The following NRCAM variants were observed in gnomAD, a reference collection of about 807,000 sequenced individuals.
The protein encoded by NRCAM is NgCAM-related cell adhesion molecule.
NRCAM carries 83 observed loss-of-function variants against 156.5 expected under a neutral mutation model. The observed-to-expected ratio is 0.53, with a 90% CI of 0.44 to 0.64. The LOEUF is 0.64. Among genes scored for constraint, NRCAM ranks in the 30% least tolerant of loss-of-function variants. The probability of loss-of-function intolerance (pLI) is 0.00; values close to 1 mark genes in which losing one functional copy is unlikely to be tolerated. For synonymous variants in NRCAM, 538 were observed against 563.9 expected, an observed-to-expected ratio of 0.95 and a Z score of 0.65; for missense variants, 1,417 against 1,597.3, an observed-to-expected ratio of 0.89 and a Z score of 1.92.
At chr7:108,389,171 T>C (rs537175172) in intron 2 of NRCAM, among the ~76,000 whole-genome samples, 2 of 152,334 alleles carry the variant, frequency 1.3e-5, no homozygotes, top group South Asian at 4.1e-4. Flanking sequence ...TTTCACGATA[T>C]TGATTCTTCC....
At chr7:108,232,590 T>C in intron 6 of NRCAM, 68 bp from the exon 7 acceptor site, 1 of 1,146,724 alleles carries the variant, frequency 8.7e-7, no homozygotes, top group South Asian at 1.6e-5. Flanking sequence ...AACAAATTCC[T>C]AGCAGTTTTA....
intron 2 of NRCAM, among the ~76,000 whole-genome samples, chr7:108,322,875 C>T (rs2154212783): frequency 6.6e-6 from 1 of 152,230 alleles, no homozygotes; most frequent in Admixed American, 6.5e-5. Flanking sequence ...CTTAAACAAA[C>T]CATTATTACA....
rs2094445791 is a variant in NRCAM, at chr7:108,232,430, A to C, written c.323T>G (p.Ile108Ser). ...KPGTGTLIIN[I>S]MSEGKAETYE... ...GGTCTCAGCTTTCCCTTCGCTCATG[A>C]TGTTAATTATGAGCGTTCCTGTGCC... Residue 108 changes from isoleucine (I) to serine (S), a missense_variant, in exon 7 of 33, where the codon ATC (isoleucine) becomes AGC (serine). Transcript: ENST00000379028. 1 of 1,613,720 alleles carries C rather than the reference A, an allele frequency of 6.2e-7. No individual in the cohort carries two copies. Among genetic ancestry groups the C allele is most frequent in the Non-Finnish European group, 8.5e-7 (1 of 1,179,734 alleles).
In NRCAM at chr7:108,181,844, C is replaced by T. The variant is rs1487445946; in HGVS notation, c.2624G>A (p.Arg875Gln). Residue 875 changes from arginine to glutamine, a missense_variant, in exon 24 of 33, where the codon CGA becomes CAA. Arg to Gln is a conservative substitution (Grantham distance 43). This residue lies in a region of NRCAM where 1,238 missense variants were observed against 1,336.4 expected (regional missense o/e 0.93). Coordinates refer to ENST00000379028, the MANE Select transcript of NRCAM (RefSeq NM_001037132.4). ...HWDPVPLKSI[R>Q]GHLQGYRIYY... ...TGCCCGATAGCCTTGTAGGTGTCCT[C>T]GGATGCTTTTCAGAGGTACTGGGTC... 6.2e-6 allele frequency: 10 copies of T among 1,613,852 alleles called. No individual in the cohort carries two copies. Among genetic ancestry groups the T allele is most frequent in the South Asian group, 5.5e-5 (5 of 91,056 alleles).
At chr7:108,347,820 G>C (rs967091401) in intron 2 of NRCAM, among the ~76,000 whole-genome samples, 2 of 152,182 alleles carry the variant, frequency 1.3e-5, no homozygotes, top group African/African-American at 4.8e-5. Context: ...CCTTGGTCCT[G>C]AGACCTGTCT....
chr7:108,436,264 T>C (rs956311611), intron 1 of NRCAM, among the ~76,000 whole-genome samples: 1 of 152,214 alleles, frequency 6.6e-6, no homozygotes, highest in Non-Finnish European at 1.5e-5. Context: ...GACCAACCAG[T>C]TGCAAAGTGT....
chr7:108,327,917 T>C (rs931648035), intron 2 of NRCAM, among the ~76,000 whole-genome samples: 1 of 152,102 alleles, frequency 6.6e-6, no homozygotes, highest in Non-Finnish European at 1.5e-5. Flanking sequence ...ACATCAGGCA[T>C]GCAGAAAATA....
intron 2 of NRCAM, among the ~76,000 whole-genome samples, chr7:108,340,559 G>T (rs183863038): frequency 1.2e-4 from 18 of 152,296 alleles, no homozygotes; most frequent in African/African-American, 4.1e-4. Flanking sequence ...GAAAGAGAAC[G>T]ATTGCCCACA....
intron 30 of NRCAM, among the ~76,000 whole-genome samples, chr7:108,166,100 GGT>G (rs2151774261): frequency 6.6e-6 from 1 of 151,578 alleles, no homozygotes; most frequent in South Asian, 2.1e-4. Context: ...AGTAAAATTT[GGT>G]GTGATAAAAA....
chr7:108,168,507 T>C, intron 28 of NRCAM, 105 bp from the exon 29 acceptor site: 1 of 1,036,610 alleles, frequency 9.6e-7, no homozygotes. Flanking sequence ...TAGAATTAAA[T>C]AGAATTTACT....
chr7:108,398,569 G>A (rs983855788), intron 2 of NRCAM, among the ~76,000 whole-genome samples: 1 of 152,044 alleles, frequency 6.6e-6, no homozygotes, highest in African/African-American at 2.4e-5. Context: ...TTTCTCACAT[G>A]GATTTCACAC....
chr7:108,340,127 C>T (rs1303815661), intron 2 of NRCAM, among the ~76,000 whole-genome samples: 4 of 152,104 alleles, frequency 2.6e-5, no homozygotes, highest in Non-Finnish European at 5.9e-5. Context: ...TCAGAGTCTA[C>T]CTCCCTACCC....
intron 2 of NRCAM, among the ~76,000 whole-genome samples, chr7:108,388,645 C>G (rs971481529): frequency 6.6e-6 from 1 of 152,172 alleles, no homozygotes; most frequent in African/African-American, 2.4e-5. Flanking sequence ...ATGCCTATGT[C>G]CTGAATGGTA....
At chr7:108,390,890 A>C (rs192547772) in intron 2 of NRCAM, among the ~76,000 whole-genome samples, 3 of 149,278 alleles carry the variant, frequency 2.0e-5, no homozygotes, top group African/African-American at 7.2e-5. Context: ...GTTTTGAATG[A>C]GTTTCTTAAT....
intron 2 of NRCAM, among the ~76,000 whole-genome samples, chr7:108,379,065 G>A (rs941541573): frequency 1.3e-5 from 2 of 151,980 alleles, no homozygotes; most frequent in Non-Finnish European, 2.9e-5. Flanking sequence ...CCCTAAGATA[G>A]GTCTCAGGAT....
At chr7:108,351,461 C>A (rs769445057) in intron 2 of NRCAM, among the ~76,000 whole-genome samples, 131 of 152,200 alleles carry the variant, frequency 8.6e-4, no homozygotes, top group Non-Finnish European at 5.6e-4. Context: ...AGCTTCATCA[C>A]CAAACTCTGG....
At chr7:108,252,465 A>G (rs1473643661) in intron 3 of NRCAM, among the ~76,000 whole-genome samples, 1 of 152,214 alleles carries the variant, frequency 6.6e-6, no homozygotes, top group African/African-American at 2.4e-5. Flanking sequence ...CCTTGCAGAG[A>G]AAACAGTTTT....
chr7:108,292,744 T>C lies in NRCAM; in HGVS notation c.-107+19921A>G, dbSNP rs193196308. Among the ~76,000 whole-genome samples, 257 of 152,260 alleles carry C rather than the reference T, an allele frequency of 1.7e-3. 1 individual carries two copies. The highest frequency in any genetic ancestry group is 6.0e-3 in the African/African-American group (249 of 41,554). On this transcript the variant is annotated intron_variant, in intron 3 of 32. Transcript: ENST00000379028. ...TCACGGCTCCTATCTCATAGGGTTA[T>C]TACGAAGTTTAAGTGAGTCAGTGGA...
chr7:108,226,950 G>C (rs2093570975), intron 8 of NRCAM, among the ~76,000 whole-genome samples: 1 of 152,164 alleles, frequency 6.6e-6, no homozygotes, highest in Non-Finnish European at 1.5e-5. Context: ...TGGGTGTGAT[G>C]ATGACACTAT....
Sources: allele counts gnomAD v4.1 joint callset (sites outside exome capture counted in the v4.1 genomes callset), GRCh38; gene constraint gnomAD v4.1.1; regional missense constraint gnomAD v4.1.1; transcripts MANE v1.5; gene names NCBI Gene and HGNC (gene_info 2026-07-23, HGNC 2026-07-21).